The following HEATR4 variants were observed in gnomAD, a reference collection of about 807,000 sequenced individuals.
HEATR4 encodes HEAT repeat containing 4, also known as HEAT repeat-containing protein 4.
HEATR4 carries 95 observed loss-of-function variants against 108.8 expected under a neutral mutation model. The ratio of observed to expected loss-of-function variants is 0.87; its 90% CI spans 0.74 to 1.04. HEATR4 has a LOEUF of 1.04. HEATR4 is among the 50% of genes least tolerant of loss of function. The pLI, the probability that HEATR4 is intolerant of heterozygous loss-of-function variation, is 0.00. For synonymous variants in HEATR4, 443 were observed against 459.4 expected (o/e 0.96, Z 0.46); for missense variants, 1,152 against 1,253.8 (o/e 0.92, Z 1.23).
chr14:73,560,108 G>A (rs1889495309), upstream of HEATR4, among the ~76,000 whole-genome samples: 1 of 152,098 alleles, frequency 6.6e-6, no homozygotes, highest in African/African-American at 2.4e-5. Flanking sequence ...TTAAGTCATA[G>A]AAGTCTTACA....
chr14:73,615,388 T>TTAAAAA, the HEATR4 span, among the ~76,000 whole-genome samples: 27 of 63,336 alleles, frequency 4.3e-4, no homozygotes, highest in African/African-American at 2.6e-3. Flanking sequence ...CTCTGTCTGA[T>TTAAAAA]AAAAAAAAAA....
chr14:73,582,751 G>A, the HEATR4 span: 2 of 152,082 alleles, frequency 1.3e-5, no homozygotes, highest in Middle Eastern at 6.8e-3. Flanking sequence ...ACCACCTTAT[G>A]AATAATCATG....
chr14:73,499,584 G>A (rs1405063035), intron 12 of HEATR4, among the ~76,000 whole-genome samples: 2 of 152,158 alleles, frequency 1.3e-5, no homozygotes, highest in African/African-American at 2.4e-5. Context: ...CAATTCTGGT[G>A]ACAAATGAGC....
rs763504055 is a variant in HEATR4 at position 73,498,173 on chromosome 14, T to G, written c.2528A>C (p.Asn843Thr). 8.1e-6 allele frequency: 13 copies of G among 1,612,180 alleles called. No homozygotes were observed. Among genetic ancestry groups the G allele is most frequent in the African/African-American group, 2.7e-5 (2 of 74,880 alleles). Residue 843 changes from asparagine (N) to threonine (T), a missense_variant, in exon 14 of 18, where the codon AAC becomes ACC. By Grantham distance (65) the Asn-to-Thr change is moderately conservative. Coordinates refer to ENST00000553558, the MANE Select transcript of HEATR4 (RefSeq NM_001220484.1). ...DTFLDVLLLENHDAVLKEMYQ... is the reference protein window; with the variant it reads ...DTFLDVLLLETHDAVLKEMYQ... ...TGCTTACTTTAGAACAGCATCGTGG[T>G]TCTCCAGGAGCAGCACGTCTAGGAA...
intron 1 of HEATR4, among the ~76,000 whole-genome samples, chr14:73,531,650 G>C (rs1888710090): frequency 9.1e-6 from 1 of 110,214 alleles, no homozygotes; most frequent in Non-Finnish European, 2.0e-5. Context: ...CTCAAGTGAT[G>C]CACCTGCCTT....
At chr14:73,595,252 C>G in the HEATR4 span, 2 of 1,614,174 alleles carry the variant, frequency 1.2e-6, no homozygotes, top group African/African-American at 1.3e-5. Context: ...CTTTCTCAGG[C>G]CTCGTGGACA....
chr14:73,569,696 G>A, the HEATR4 span: 1 of 1,609,494 alleles, frequency 6.2e-7, no homozygotes, highest in Non-Finnish European at 8.5e-7. Context: ...AGAAACCTTT[G>A]GTGCGGCTGG....
rs2140321004 is a variant in HEATR4, at chr14:73,554,282, A to G, written c.-152+4469T>C. Among the ~76,000 whole-genome samples the G allele has an allele frequency of 1.7e-5, 2 of 115,554 alleles. 1 individual carries two copies. Among genetic ancestry groups the G allele is most frequent in the Non-Finnish European group, 3.8e-5 (2 of 52,392 alleles). 75.8% of individuals were successfully genotyped at this position (115,554 alleles called of 152,430 possible). On this transcript the variant is annotated intron_variant, in intron 1 of 17. Transcript: ENST00000553558. ...AGTGAGCCGAGATATTGGATTAGGC[A>G]GTCAAAAAAACCAAGCAAGCATAAA...
the HEATR4 span, among the ~76,000 whole-genome samples, chr14:73,563,977 G>A: frequency 1.1e-4 from 17 of 151,578 alleles, 1 homozygote; most frequent in Non-Finnish European, 2.2e-4. Context: ...CTCCAACCTG[G>A]GTGACAGAGT....
chr14:73,624,426 G>A, the HEATR4 span, among the ~76,000 whole-genome samples: 5 of 151,822 alleles, frequency 3.3e-5, no homozygotes, highest in African/African-American at 9.7e-5. Flanking sequence ...AACGCGCCCC[G>A]CCCAAAAAAA....
chr14:73,617,054 G>A, the HEATR4 span: 3 of 1,269,698 alleles, frequency 2.4e-6, no homozygotes, highest in East Asian at 4.6e-5. Flanking sequence ...GTGAATACAG[G>A]GCCAGCCTCC....
intron 2 of HEATR4, among the ~76,000 whole-genome samples, chr14:73,524,311 ATATAT>A (rs1354717741): frequency 4.0e-4 from 21 of 52,656 alleles, no homozygotes; most frequent in Non-Finnish European, 8.1e-4. Context: ...AAAAAAAAAA[ATATAT>A]ATATATATAT....
rs748700741 is a variant in HEATR4, at chr14:73,492,663, A to G, written c.2844+403T>C. 1.9e-5 allele frequency: 30 copies of G among 1,613,894 alleles called. No homozygotes were observed. The highest frequency in any genetic ancestry group is 7.7e-5 in the South Asian group (7 of 91,092). ...CAGTTGACAACAGAAACAGAAGTCC[A>G]TATGCTTCAGGATGGGATAGCTCGG... is the stretch of plus-strand genomic sequence containing the variant. On this transcript the variant is annotated intron_variant, in intron 17 of 17. Coordinates refer to ENST00000553558, the MANE Select transcript of HEATR4 (RefSeq NM_001220484.1). The surrounding 1 kb of genome is among the most constrained non-coding windows in gnomAD (Gnocchi z 4.9).
chr14:73,569,923 T>G, the HEATR4 span: 1 of 1,578,656 alleles, frequency 6.3e-7, no homozygotes, highest in Admixed American at 1.8e-5. Flanking sequence ...TCGTTCGCCT[T>G]TCACTTTGTG....
chr14:73,619,915 T>G, the HEATR4 span: 1 of 1,430,622 alleles, frequency 7.0e-7, no homozygotes, highest in South Asian at 1.4e-5. Flanking sequence ...TTTCTTTCTT[T>G]TCTCTTTTTT....
intron 12 of HEATR4, among the ~76,000 whole-genome samples, chr14:73,500,295 T>TA (rs1450284234): frequency 6.7e-6 from 1 of 150,246 alleles, no homozygotes; most frequent in Non-Finnish European, 1.5e-5. Flanking sequence ...TTTTTTTTTT[T>TA]AGCTCATCAA....
intron 6 of HEATR4, among the ~76,000 whole-genome samples, chr14:73,513,512 G>C (rs1253595125): frequency 6.6e-6 from 1 of 150,492 alleles, no homozygotes; most frequent in Admixed American, 6.6e-5. Flanking sequence ...GATCACCTGA[G>C]GTCAGGAGTT....
chr14:73,491,705 G>C, intron 17 of HEATR4: 1 of 1,550,372 alleles, frequency 6.5e-7, no homozygotes, highest in South Asian at 1.2e-5. Flanking sequence ...GGCGGTGCTG[G>C]TGCGGCGGCA....
chr14:73,520,778 CA>C, intron 4 of HEATR4, 73 bp downstream of exon 4: 1 of 1,395,960 alleles, frequency 7.2e-7, no homozygotes, highest in Admixed American at 1.9e-5. Flanking sequence ...CAACTGTTTC[CA>C]GCCCCCAGCA....
Sources: gnomAD v4.1 joint callset for allele counts (sites outside exome capture counted in the v4.1 genomes callset) on GRCh38, gnomAD v4.1.1 for gene constraint, Gnocchi (gnomAD v3.1) non-coding constraint, MANE v1.5 for transcripts, NCBI Gene and HGNC (gene_info 2026-07-23, HGNC 2026-07-21) for gene names.